Variants in ZEB1 observed in about 807,000 individuals in gnomAD.
ZEB1 encodes zinc finger E-box binding homeobox 1, also known as zinc finger E-box-binding homeobox 1.
ZEB1 carries 21 observed loss-of-function variants against 84.9 expected under a neutral mutation model. The observed-to-expected ratio is 0.25, with a 90% CI of 0.18 to 0.36. ZEB1 has a LOEUF of 0.36. Ranked by LOEUF, ZEB1 falls within the 10% of genes least tolerant of loss-of-function variation. The pLI is 1.00. For missense variants in ZEB1, 1,104 were observed against 1,330.2 expected, an observed-to-expected ratio of 0.83 and a Z score of 2.65; for synonymous variants, 420 against 471.1, an observed-to-expected ratio of 0.89 and a Z score of 1.41.
intron 1 of ZEB1, among the ~76,000 whole-genome samples, chr10:31,456,354 A>G (rs900673072): frequency 6.6e-6 from 1 of 152,156 alleles, no homozygotes; most frequent in African/African-American, 2.4e-5. Flanking sequence ...GTGTATACCT[A>G]TGTAACCTGC....
At chr10:31,505,802 G>T (rs1305774100) in intron 4 of ZEB1, among the ~76,000 whole-genome samples, 1 of 151,670 alleles carries the variant, frequency 6.6e-6, no homozygotes, top group African/African-American at 2.4e-5. Flanking sequence ...TTTAGGGTTT[G>T]CTTTGTTCTT....
intron 1 of ZEB1, among the ~76,000 whole-genome samples, chr10:31,409,454 A>C (rs2135726487): frequency 6.6e-6 from 1 of 152,326 alleles, no homozygotes; most frequent in East Asian, 1.9e-4. Context: ...TGATGCCTTC[A>C]GCTTTGTTCT....
At chr10:31,385,133 G>A (rs957661188) in intron 1 of ZEB1, among the ~76,000 whole-genome samples, 1 of 152,238 alleles carries the variant, frequency 6.6e-6, no homozygotes, top group South Asian at 2.1e-4. Flanking sequence ...TGAATTATTT[G>A]TGAAATGTGG....
In ZEB1 at chr10:31,458,232, A is replaced by G. The variant is rs180775927; in HGVS notation, c.59-2805A>G. On this transcript the variant is annotated intron_variant, in intron 1 of 8. Coordinates refer to ENST00000424869, the MANE Select transcript of ZEB1 (RefSeq NM_001174096.2). ...ATGCCAACTTAAAATGACTTTATCA[A>G]GTAGGTTGCTAATAAGTACTGAAAG... 1.2e-4 allele frequency among the ~76,000 whole-genome samples: 18 copies of G among 152,166 alleles called. No individual in the cohort carries two copies. The East Asian group carries it at 3.5e-3, about 29-fold the overall frequency.
chr10:31,482,763 TG>T (rs1226335534), intron 2 of ZEB1, among the ~76,000 whole-genome samples: 7 of 151,966 alleles, frequency 4.6e-5, no homozygotes, highest in Non-Finnish European at 7.4e-5. Flanking sequence ...TGAAAAAAGT[TG>T]GAATTTTCAA....
chr10:31,414,802 C>T (rs2054927606), intron 1 of ZEB1, among the ~76,000 whole-genome samples: 1 of 152,116 alleles, frequency 6.6e-6, no homozygotes. Context: ...TGCAAATTCC[C>T]TCAGCAAAGT....
chr10:31,331,561 T>G (rs1434616194), intron 1 of ZEB1, among the ~76,000 whole-genome samples: 1 of 152,074 alleles, frequency 6.6e-6, no homozygotes, highest in African/African-American at 2.4e-5. Flanking sequence ...CTAAGGAGAT[T>G]ATAGTGTGGT....
chr10:31,456,335 C>G (rs1042351499), intron 1 of ZEB1, among the ~76,000 whole-genome samples: 1 of 151,964 alleles, frequency 6.6e-6, no homozygotes, highest in Non-Finnish European at 1.5e-5. Flanking sequence ...CAGCACATCA[C>G]CAAGGCATGT....
In ZEB1 at chr10:31,463,744, C is replaced by G. The variant is rs79404017; in HGVS notation, c.259+2507C>G. On this transcript the variant is annotated intron_variant, in intron 2 of 8. Transcript: ENST00000424869. ...TACATTGCTGTGTAGCCTGAAAAAT[C>G]TCAAGCCATATTTGAGTTTAAAGTG... 7.0e-3 allele frequency among the ~76,000 whole-genome samples: 1,067 copies of G among 152,306 alleles called. 12 individuals are homozygous for G. The highest frequency in any genetic ancestry group is 0.023 in the African/African-American group (976 of 41,554).
At chr10:31,443,287 A>G (rs564091789) in intron 1 of ZEB1, among the ~76,000 whole-genome samples, 2 of 151,360 alleles carry the variant, frequency 1.3e-5, no homozygotes, top group South Asian at 4.2e-4. Flanking sequence ...TGTTGCACAT[A>G]TTTTTCACAA....
chr10:31,407,601 G>A (rs939646329), intron 1 of ZEB1, among the ~76,000 whole-genome samples: 5 of 151,996 alleles, frequency 3.3e-5, no homozygotes, highest in Admixed American at 6.6e-5. Flanking sequence ...AGTCCTTTGG[G>A]TATATACACA....
chr10:31,334,541 G>GA (rs199577755), intron 1 of ZEB1, among the ~76,000 whole-genome samples: 2,597 of 151,842 alleles, frequency 0.017, 60 homozygotes, highest in African/African-American at 0.058. Flanking sequence ...TTAAGAATTA[G>GA]AAAAAAAGCA....
At chr10:31,391,265 G>GTGTGTGTA (rs2049642579) in intron 1 of ZEB1, among the ~76,000 whole-genome samples, 1 of 147,074 alleles carries the variant, frequency 6.8e-6, no homozygotes, top group African/African-American at 2.6e-5. Flanking sequence ...GTGTGTGTGT[G>GTGTGTGTA]TGTGTGTGTG....
At chr10:31,464,278 G>C (rs779124173) in intron 2 of ZEB1, among the ~76,000 whole-genome samples, 4 of 151,956 alleles carry the variant, frequency 2.6e-5, no homozygotes, top group African/African-American at 4.8e-5. Context: ...GCGTGAACCC[G>C]GGAGGCAGAG....
chr10:31,420,267 C>T (rs1405738521), intron 1 of ZEB1, among the ~76,000 whole-genome samples: 1 of 152,110 alleles, frequency 6.6e-6, no homozygotes, highest in Non-Finnish European at 1.5e-5. Context: ...TTTATTGTCT[C>T]GTGCTTCCAT....
rs187863144 is a variant in ZEB1, at chr10:31,356,354, A to G, written c.58+37062A>G. Among the ~76,000 whole-genome samples the G allele has an allele frequency of 2.3e-4, 33 of 140,556 alleles. 1 individual carries two copies. The highest frequency in any genetic ancestry group is 1.4e-3 in the Admixed American group (20 of 14,544). 92.2% of individuals were successfully genotyped at this position (140,556 alleles called of 152,430 possible). ...GTAATTTTGGACATATATGATGTGTATATATATATATATATAGTGCAGGTC... is the reference window on the plus strand; with the variant it reads ...GTAATTTTGGACATATATGATGTGTGTATATATATATATATAGTGCAGGTC... On this transcript the variant is annotated intron_variant, in intron 1 of 8. Coordinates refer to ENST00000424869, the MANE Select transcript of ZEB1 (RefSeq NM_001174096.2).
In ZEB1 at chr10:31,379,733, G is replaced by GT. The variant is rs774394803; in HGVS notation, c.58+60442dup. 9.9e-5 allele frequency among the ~76,000 whole-genome samples: 15 copies of GT among 151,070 alleles called. 1 individual carries two copies. In the East Asian group the frequency reaches 1.2e-3, roughly 12 times the overall value. ...TGAATTAAAAAAAAAAAACCTTAGTGTAAAAAATTTCAGGCATACACTTAA... is the reference window on the plus strand; with the variant it reads ...TGAATTAAAAAAAAAAAACCTTAGTGTTAAAAAATTTCAGGCATACACTTAA... On this transcript the variant is annotated intron_variant, in intron 1 of 8. Coordinates refer to ENST00000424869, the MANE Select transcript of ZEB1 (RefSeq NM_001174096.2).
At position 31,502,391 on chromosome 10, in the gene ZEB1, C is replaced by A; in HGVS notation, c.366C>A (p.Asn122Lys). The change falls in exon 4 of 9, where the codon AAC becomes AAA. Residue 122 changes from asparagine (N) to lysine (K), a missense_variant. Around this residue, in one of 7 missense-constraint regions of ZEB1, gnomAD observed 162 missense variants for 184.5 expected, o/e 0.88. Coordinates refer to ENST00000424869, the MANE Select transcript of ZEB1 (RefSeq NM_001174096.2). ...ECESDAENEQ[N>K]HDPNVEEFLQ... is the part of the protein sequence containing the mutation. ...AGTCAGATGCAGAAAATGAGCAAAA[C>A]CATGATCCTAATGTTGAAGAGTTTC... 2.5e-6 allele frequency: 4 copies of A among 1,613,718 alleles called. No individual in the cohort carries two copies. Among genetic ancestry groups the A allele is most frequent in the Non-Finnish European group, 3.4e-6 (4 of 1,179,826 alleles).
At chr10:31,439,143 G>T (rs931495465) in intron 1 of ZEB1, among the ~76,000 whole-genome samples, 1 of 152,008 alleles carries the variant, frequency 6.6e-6, no homozygotes, top group African/African-American at 2.4e-5. Context: ...TGATGTTAAG[G>T]CACATGTATA....
Sources: gnomAD v4.1 joint callset for allele counts (sites outside exome capture counted in the v4.1 genomes callset) on GRCh38, gnomAD v4.1.1 for gene constraint, gnomAD v4.1.1 regional missense constraint, MANE v1.5 for transcripts, NCBI Gene and HGNC (gene_info 2026-07-23, HGNC 2026-07-21) for gene names.